Variants in LRP1B observed in about 807,000 individuals in gnomAD.
The protein encoded by LRP1B is LDL receptor related protein 1B.
A neutral mutation model predicts 556.6 loss-of-function variants in LRP1B; 217 were observed. That is an observed-to-expected ratio of 0.39 (90% CI 0.35 to 0.44). The LOEUF is 0.44. LRP1B is among the 20% of genes least tolerant of loss of function. LRP1B has a pLI of 1.00. For synonymous variants in LRP1B, 2,047 were observed against 1,865.8 expected, an observed-to-expected ratio of 1.10 and a Z score of -2.50; for missense variants, 5,053 against 5,620.8, an observed-to-expected ratio of 0.90 and a Z score of 3.23.
At chr2:140,640,646 G>C (rs1684261691) in intron 41 of LRP1B, among the ~76,000 whole-genome samples, 1 of 151,714 alleles carries the variant, frequency 6.6e-6, no homozygotes, top group East Asian at 1.9e-4. Flanking sequence ...GCCTCCCAAA[G>C]TGCTGGGATT....
At chr2:140,625,411 T>C (rs1683620816) in intron 41 of LRP1B, among the ~76,000 whole-genome samples, 1 of 152,172 alleles carries the variant, frequency 6.6e-6, no homozygotes, top group Non-Finnish European at 1.5e-5. Flanking sequence ...AAGCCTGTTC[T>C]GCAAATGACA....
At chr2:140,453,094 A>G (rs1267479144) in intron 62 of LRP1B, among the ~76,000 whole-genome samples, 1 of 151,746 alleles carries the variant, frequency 6.6e-6, no homozygotes, top group Non-Finnish European at 1.5e-5. Flanking sequence ...ATTAAAACAC[A>G]TTAGTATGAG....
chr2:141,727,837 A>G (rs923147216), intron 2 of LRP1B, among the ~76,000 whole-genome samples: 1 of 152,136 alleles, frequency 6.6e-6, no homozygotes, highest in Non-Finnish European at 1.5e-5. Context: ...ACACACATAT[A>G]TATATCTCAC....
At chr2:141,707,759 C>T (rs1301601802) in intron 2 of LRP1B, among the ~76,000 whole-genome samples, 1 of 152,126 alleles carries the variant, frequency 6.6e-6, no homozygotes, top group Non-Finnish European at 1.5e-5. Context: ...GATTATCATG[C>T]CAACAATGAC....
intron 3 of LRP1B, among the ~76,000 whole-genome samples, chr2:141,355,605 G>A (rs775308693): frequency 3.3e-5 from 5 of 151,984 alleles, no homozygotes; most frequent in African/African-American, 4.8e-5. Context: ...ATGATAGTAA[G>A]GCAACCAACT....
rs149573235 is a variant in LRP1B at position 140,529,859 on chromosome 2, T to A, written c.7763-3509A>T. Among the ~76,000 whole-genome samples, 645 of 152,086 alleles carry A rather than the reference T, an allele frequency of 4.2e-3. 14 individuals carry two copies. Among genetic ancestry groups the A allele is most frequent in the Admixed American group, 0.037 (556 of 15,214 alleles). On this transcript the variant is annotated intron_variant, in intron 47 of 90. Transcript: ENST00000389484. ...AGAGGAGTACAAAATGACGAACTTA[T>A]GAACAATGCCTCATCTCCCCACCTC...
chr2:141,071,474 C>G (rs1420016650), intron 7 of LRP1B, among the ~76,000 whole-genome samples: 1 of 152,098 alleles, frequency 6.6e-6, no homozygotes, highest in Non-Finnish European at 1.5e-5. Context: ...CTCACCACTC[C>G]TATTCAACAG....
At chr2:140,961,047 T>C (rs1246147940) in intron 18 of LRP1B, among the ~76,000 whole-genome samples, 1 of 151,920 alleles carries the variant, frequency 6.6e-6, no homozygotes, top group Non-Finnish European at 1.5e-5. Flanking sequence ...CTGTATTTGG[T>C]GGTTTTGTGT....
At chr2:140,535,317 T>A (rs1405264599) in intron 46 of LRP1B, among the ~76,000 whole-genome samples, 2 of 152,200 alleles carry the variant, frequency 1.3e-5, no homozygotes, top group African/African-American at 4.8e-5. Context: ...ACAATTTATA[T>A]GCTTTAATAT....
At chr2:141,972,529 T>C (rs1192925023) in intron 1 of LRP1B, among the ~76,000 whole-genome samples, 1 of 151,386 alleles carries the variant, frequency 6.6e-6, no homozygotes, top group African/African-American at 2.4e-5. Flanking sequence ...TTAAGTTCTG[T>C]ATTTTCAAAA....
chr2:140,515,532 T>G (rs1689857897), intron 50 of LRP1B, among the ~76,000 whole-genome samples: 1 of 152,088 alleles, frequency 6.6e-6, no homozygotes, highest in Non-Finnish European at 1.5e-5. Context: ...TAAATTAAGG[T>G]GTTCAAAATA....
chr2:140,410,819 C>T (rs1056213996), intron 66 of LRP1B, among the ~76,000 whole-genome samples: 7 of 152,086 alleles, frequency 4.6e-5, no homozygotes, highest in East Asian at 1.9e-4. Context: ...TATTCTAAAA[C>T]GTATATCCCA....
intron 7 of LRP1B, among the ~76,000 whole-genome samples, chr2:141,095,854 C>T (rs893402640): frequency 6.6e-6 from 1 of 152,020 alleles, no homozygotes; most frequent in Admixed American, 6.6e-5. Flanking sequence ...TTCATGTGCA[C>T]TGCTCATGAG....
At chr2:141,690,173 T>C (rs767694889) in intron 2 of LRP1B, among the ~76,000 whole-genome samples, 1 of 151,426 alleles carries the variant, frequency 6.6e-6, no homozygotes, top group Non-Finnish European at 1.5e-5. Flanking sequence ...TTCCAACTGC[T>C]TTTTCAGTCA....
At position 142,115,779 on chromosome 2, in the gene LRP1B, GTAATATATATCATATATA is replaced by G; in HGVS notation, c.82+14851_82+14868del. 6.7e-5 allele frequency among the ~76,000 whole-genome samples: 2 copies of G among 29,720 alleles called. 1 individual carries two copies. Among genetic ancestry groups the G allele is most frequent in the African/African-American group, 2.4e-4 (2 of 8,366 alleles). The allele number at this position is 29,720 out of a possible 152,430, so 19.5% of individuals were successfully genotyped here. ...TATATGTAATATATATCATATATATGTAATATATATCATATATATGTAATATATATCATATATATGTAA... is the reference window on the plus strand; with the variant it reads ...TATATGTAATATATATCATATATATGTGTAATATATATCATATATATGTAA... On this transcript the variant is annotated intron_variant, in intron 1 of 90. Coordinates refer to ENST00000389484, the MANE Select transcript of LRP1B (RefSeq NM_018557.3).
intron 7 of LRP1B, among the ~76,000 whole-genome samples, chr2:141,122,858 C>T (rs781142428): frequency 2.0e-5 from 3 of 152,048 alleles, no homozygotes; most frequent in Non-Finnish European, 2.9e-5. Flanking sequence ...CCCAAATGTC[C>T]AACAATGATA....
At chr2:140,830,837 T>C (rs1691689366) in intron 31 of LRP1B, among the ~76,000 whole-genome samples, 1 of 152,102 alleles carries the variant, frequency 6.6e-6, no homozygotes, top group Admixed American at 6.5e-5. Context: ...CAAAAATCTA[T>C]TAGAACTGAT....
intron 3 of LRP1B, among the ~76,000 whole-genome samples, chr2:141,471,217 A>G (rs971075243): frequency 6.6e-6 from 1 of 152,094 alleles, no homozygotes; most frequent in Admixed American, 6.5e-5. Flanking sequence ...GCTTAATATT[A>G]AAACAATTTC....
chr2:140,310,024 T>G (rs745678021), intron 83 of LRP1B, among the ~76,000 whole-genome samples: 2 of 151,794 alleles, frequency 1.3e-5, no homozygotes, highest in Admixed American at 1.3e-4. Context: ...GCTGAGTGTT[T>G]CAAAATTGCT....
Sources: allele counts gnomAD v4.1 joint callset (sites outside exome capture counted in the v4.1 genomes callset), GRCh38; gene constraint gnomAD v4.1.1; transcripts MANE v1.5; gene names NCBI Gene and HGNC (gene_info 2026-07-23, HGNC 2026-07-21).